The following PTPRD variants were observed in gnomAD, a reference collection of about 807,000 sequenced individuals.
PTPRD encodes receptor-type tyrosine-protein phosphatase delta.
In PTPRD, 34 loss-of-function variants were observed where a neutral mutation model predicts 214.5. The ratio of observed to expected loss-of-function variants is 0.16; its 90% CI spans 0.12 to 0.21. The LOEUF (loss-of-function observed/expected upper bound fraction) is 0.21, where lower values mean the gene tolerates loss of function less well. Among genes scored for constraint, PTPRD ranks in the 10% least tolerant of loss-of-function variants. The pLI, the probability that PTPRD is intolerant of heterozygous loss-of-function variation, is 1.00. For synonymous variants in PTPRD, 1,128 were observed against 845.7 expected (o/e 1.33, Z -5.79); for missense variants, 2,545 against 2,398.7 (o/e 1.06, Z -1.27).
intron 5 of PTPRD, among the ~76,000 whole-genome samples, chr9:9,863,100 T>C (rs552824894): frequency 6.8e-4 from 104 of 152,236 alleles, no homozygotes; most frequent in African/African-American, 2.4e-3. Context: ...AGTATTTGAG[T>C]CTAGAAAATG....
intron 3 of PTPRD, among the ~76,000 whole-genome samples, chr9:10,066,934 G>A (rs1211182761): frequency 6.6e-6 from 1 of 151,016 alleles, no homozygotes; most frequent in African/African-American, 2.4e-5. Context: ...CTAAACTGTT[G>A]CTTTGATGTA....
intron 10 of PTPRD, among the ~76,000 whole-genome samples, chr9:9,096,414 C>T (rs531697385): frequency 2.0e-5 from 3 of 152,062 alleles, no homozygotes; most frequent in Non-Finnish European, 2.9e-5. Context: ...GAATGGAATG[C>T]GACATTTTGG....
At chr9:8,549,235 T>C (rs1256655673) in intron 14 of PTPRD, among the ~76,000 whole-genome samples, 1 of 152,256 alleles carries the variant, frequency 6.6e-6, no homozygotes, top group Non-Finnish European at 1.5e-5. Context: ...CCACCAGTTT[T>C]AGGGAGTATT....
intron 6 of PTPRD, among the ~76,000 whole-genome samples, chr9:9,759,720 A>G (rs1002667107): frequency 1.3e-5 from 2 of 151,562 alleles, no homozygotes; most frequent in Non-Finnish European, 2.9e-5. Context: ...AATACGCCCA[A>G]CTAACTTTTT....
chr9:9,090,716 C>A (rs1227761591), intron 10 of PTPRD, among the ~76,000 whole-genome samples: 1 of 152,162 alleles, frequency 6.6e-6, no homozygotes, highest in East Asian at 1.9e-4. Flanking sequence ...CTAATGATGA[C>A]TCTTGAACAA....
intron 5 of PTPRD, among the ~76,000 whole-genome samples, chr9:9,794,145 G>A (rs2098985908): frequency 9.5e-6 from 1 of 105,492 alleles, no homozygotes; most frequent in Non-Finnish European, 2.3e-5. Flanking sequence ...TACAATGAAT[G>A]TATATATGTA....
At chr9:10,250,843 T>C (rs1281308151) in intron 3 of PTPRD, among the ~76,000 whole-genome samples, 1 of 151,832 alleles carries the variant, frequency 6.6e-6, no homozygotes, top group Non-Finnish European at 1.5e-5. Context: ...TATATGTGTA[T>C]AATCATATGT....
intron 11 of PTPRD, among the ~76,000 whole-genome samples, chr9:8,867,603 C>T (rs116159387): frequency 0.013 from 1,945 of 152,210 alleles, 40 homozygotes; most frequent in African/African-American, 0.045. Flanking sequence ...TGTTCTAAGA[C>T]GATGGATATC....
intron 10 of PTPRD, among the ~76,000 whole-genome samples, chr9:9,058,598 C>T (rs1385874741): frequency 1.3e-5 from 2 of 150,554 alleles, no homozygotes; most frequent in African/African-American, 2.4e-5. Context: ...TACAGGCTCC[C>T]GCCACCTCGC....
intron 7 of PTPRD, among the ~76,000 whole-genome samples, chr9:9,650,771 A>C (rs2096319978): frequency 6.6e-6 from 1 of 152,094 alleles, no homozygotes; most frequent in Non-Finnish European, 1.5e-5. Flanking sequence ...GTACCTCTGA[A>C]CTTGAAAGTG....
chr9:9,152,588 T>G (rs866259313), intron 10 of PTPRD, among the ~76,000 whole-genome samples: 1 of 152,142 alleles, frequency 6.6e-6, no homozygotes, highest in Admixed American at 6.5e-5. Flanking sequence ...AACTTTATCA[T>G]TGGGTGGTGG....
chr9:9,975,366 A>C (rs1033125430), intron 4 of PTPRD, among the ~76,000 whole-genome samples: 5 of 152,228 alleles, frequency 3.3e-5, no homozygotes, highest in Non-Finnish European at 7.3e-5. Context: ...ATCCTGAATA[A>C]CATGTGAGAG....
chr9:10,450,626 A>G, intron 2 of PTPRD, among the ~76,000 whole-genome samples: 1 of 152,156 alleles, frequency 6.6e-6, no homozygotes, highest in East Asian at 1.9e-4. Flanking sequence ...GAACTGTAAT[A>G]TTAAAATTTG....
intron 3 of PTPRD, among the ~76,000 whole-genome samples, chr9:10,259,167 T>C (rs1485835146): frequency 6.6e-6 from 1 of 151,700 alleles, no homozygotes; most frequent in Non-Finnish European, 1.5e-5. Flanking sequence ...GGAATACAGG[T>C]GCCTGCCACC....
At chr9:9,856,638 C>CAA (rs35166329) in intron 5 of PTPRD, among the ~76,000 whole-genome samples, 1 of 146,912 alleles carries the variant, frequency 6.8e-6, no homozygotes, top group African/African-American at 2.5e-5. Context: ...GAAAATTTAC[C>CAA]AAAAAAAAAA....
rs932608339 is a variant in PTPRD at position 9,601,154 on chromosome 9, G to A, written c.-286-26373C>T. ...GTGTGTGTGTGTGTGTGTGTGTATGGGGGGGGGAGAGTGGGGAGAGAGAGA... is the reference window on the plus strand; with the variant it reads ...GTGTGTGTGTGTGTGTGTGTGTATGAGGGGGGGAGAGTGGGGAGAGAGAGA... On this transcript the variant is annotated intron_variant, in intron 7 of 45. Transcript: ENST00000381196. Among the ~76,000 whole-genome samples, 68 of 94,146 alleles carry A rather than the reference G, an allele frequency of 7.2e-4. 1 individual carries two copies. The highest frequency in any genetic ancestry group is 2.0e-3 in the African/African-American group (54 of 27,682). 61.8% of individuals were successfully genotyped at this position (94,146 alleles called of 152,430 possible).
intron 11 of PTPRD, among the ~76,000 whole-genome samples, chr9:8,812,487 G>C (rs563744516): frequency 3.3e-5 from 5 of 152,256 alleles, no homozygotes; most frequent in Admixed American, 1.3e-4. Flanking sequence ...CTCTCAAAGG[G>C]AGAAATAATT....
At chr9:8,597,345 G>C (rs548416670) in intron 14 of PTPRD, among the ~76,000 whole-genome samples, 3 of 152,158 alleles carry the variant, frequency 2.0e-5, no homozygotes, top group African/African-American at 7.2e-5. Flanking sequence ...TATAAAGTAA[G>C]TTTCCTCCCC....
rs557549286 is a variant in PTPRD, at chr9:9,803,952, C to T, written c.-367-37101G>A. ...CTATCTCACTAGAAGTTTATGGGTG[C>T]CTATCTTAACTGAGTTCTCTTACTG... is the stretch of plus-strand genomic sequence containing the variant. On this transcript the variant is annotated intron_variant, in intron 5 of 45. Transcript: ENST00000381196. 2.0e-5 allele frequency among the ~76,000 whole-genome samples: 3 copies of T among 151,974 alleles called. No homozygotes were observed. In the East Asian group the frequency reaches 5.8e-4, roughly 29 times the overall value.
Sources: allele counts gnomAD v4.1 joint callset (sites outside exome capture counted in the v4.1 genomes callset), GRCh38; gene constraint gnomAD v4.1.1; transcripts MANE v1.5; gene names NCBI Gene and HGNC (gene_info 2026-07-23, HGNC 2026-07-21).